The following SORCS2 variants were observed in gnomAD, a reference collection of about 807,000 sequenced individuals.
SORCS2 encodes the protein VPS10 domain-containing receptor SorCS2.
A neutral mutation model predicts 141.6 loss-of-function variants in SORCS2; 100 were observed. That is an observed-to-expected ratio of 0.71 (90% confidence interval 0.60 to 0.83). SORCS2 has a LOEUF of 0.83. SORCS2 is among the 40% of genes least tolerant of loss of function. SORCS2 has a pLI of 0.00. For synonymous variants in SORCS2, 789 were observed against 676.9 expected (o/e 1.17, Z -2.57); for missense variants, 1,646 against 1,560.2 (o/e 1.05, Z -0.93).
chr4:7,602,582 C>G (rs868484059), intron 3 of SORCS2, among the ~76,000 whole-genome samples: 21 of 149,938 alleles, frequency 1.4e-4, no homozygotes, highest in Admixed American at 2.6e-4. Flanking sequence ...AGAGGCGCTC[C>G]TCACTTCCTT....
chr4:7,610,801 C>T (rs569287679), intron 3 of SORCS2, among the ~76,000 whole-genome samples: 1 of 152,170 alleles, frequency 6.6e-6, no homozygotes, highest in Non-Finnish European at 1.5e-5. Context: ...TTGGTAAAGT[C>T]CCGGGAGCCA....
intron 1 of SORCS2, among the ~76,000 whole-genome samples, chr4:7,251,791 T>C (rs1364491272): frequency 6.6e-6 from 1 of 152,130 alleles, no homozygotes; most frequent in African/African-American, 2.4e-5. Context: ...TTATGTCTTG[T>C]TGGTCGCAGC....
At chr4:7,589,431 C>T (rs2087468751) in intron 3 of SORCS2, among the ~76,000 whole-genome samples, 2 of 151,966 alleles carry the variant, frequency 1.3e-5, no homozygotes. Context: ...GAGACAGAGT[C>T]TCGCTCTGTG....
At chr4:7,497,331 G>A (rs1372958026) in intron 2 of SORCS2, among the ~76,000 whole-genome samples, 5 of 152,256 alleles carry the variant, frequency 3.3e-5, no homozygotes, top group African/African-American at 1.2e-4. Context: ...GGTTGGTGCT[G>A]TTGCCAGAGG....
chr4:7,281,061 C>T lies in SORCS2; in HGVS notation c.480+87935C>T, dbSNP rs546542190. On this transcript the variant is annotated intron_variant, in intron 1 of 26. Transcript: ENST00000507866. The stretch of plus-strand genomic sequence containing the variant: ...TGCGAGTCGCGTGTCTGAACGTGCC[C>T]TGCCCACGGTATCTCTACATTTTTG... 3.9e-5 allele frequency among the ~76,000 whole-genome samples: 6 copies of T among 152,310 alleles called. No individual in the cohort carries two copies. The East Asian group carries it at 1.2e-3, about 29-fold the overall frequency.
At chr4:7,484,457 G>A (rs945004677) in intron 2 of SORCS2, among the ~76,000 whole-genome samples, 11 of 152,164 alleles carry the variant, frequency 7.2e-5, no homozygotes, top group Admixed American at 2.0e-4. Flanking sequence ...TGGTGTTGCC[G>A]TGGGAAGGAA....
chr4:7,550,654 G>A (rs1713629230), intron 3 of SORCS2, among the ~76,000 whole-genome samples: 1 of 152,204 alleles, frequency 6.6e-6, no homozygotes, highest in African/African-American at 2.4e-5. Flanking sequence ...TGCCCACCCT[G>A]TGTCTCTAGT....
chr4:7,726,641 G>A (rs1045287351), intron 20 of SORCS2, 139 bp from the exon 21 acceptor site: 8 of 1,112,332 alleles, frequency 7.2e-6, no homozygotes, highest in Admixed American at 2.5e-5. Context: ...TGCCACCACA[G>A]GATGTCCATA....
chr4:7,250,360 G>A (rs994461074), intron 1 of SORCS2, among the ~76,000 whole-genome samples: 4 of 152,160 alleles, frequency 2.6e-5, no homozygotes, highest in Non-Finnish European at 5.9e-5. Flanking sequence ...TGCTCTATGC[G>A]TCATTTAAAA....
chr4:7,288,017 C>T (rs149982472), intron 1 of SORCS2, among the ~76,000 whole-genome samples: 6 of 152,328 alleles, frequency 3.9e-5, no homozygotes, highest in South Asian at 2.1e-4. Context: ...TTGCTGTCCC[C>T]GCCGTCGATG....
rs536002290 is a variant in SORCS2, at chr4:7,331,169, G to T, written c.481-65119G>T. Among the ~76,000 whole-genome samples the T allele has an allele frequency of 1.2e-3, 183 of 152,260 alleles. 3 individuals carry two copies. Among genetic ancestry groups the T allele is most frequent in the Non-Finnish European group, 3.5e-4 (24 of 68,010 alleles). On this transcript the variant is annotated intron_variant, in intron 1 of 26. Coordinates refer to ENST00000507866, the MANE Select transcript of SORCS2 (RefSeq NM_020777.3). ...TGAGGAGGAGGCTGTGTCACATGGT[G>T]GGGGGGCTTCACCCCCATAGAGGAG...
rs543153092 is a variant in SORCS2, at chr4:7,341,092, G to A, written c.481-55196G>A. On this transcript the variant is annotated intron_variant, in intron 1 of 26. Coordinates refer to ENST00000507866, the MANE Select transcript of SORCS2 (RefSeq NM_020777.3). ...AAAGGAAAATACAGATGTGCATGGT[G>A]GGGAGGATGGTCTTGTTGACTGCAG... 1.3e-3 allele frequency among the ~76,000 whole-genome samples: 192 copies of A among 152,362 alleles called. 2 individuals are homozygous for A. The highest frequency in any genetic ancestry group is 2.5e-3 in the Non-Finnish European group (172 of 68,034).
intron 1 of SORCS2, among the ~76,000 whole-genome samples, chr4:7,282,614 C>G (rs567074450): frequency 6.6e-6 from 1 of 152,148 alleles, no homozygotes; most frequent in Non-Finnish European, 1.5e-5. Flanking sequence ...GGGTGGGAGC[C>G]GGTGGGAAAG....
At chr4:7,366,522 C>A (rs539896145) in intron 1 of SORCS2, among the ~76,000 whole-genome samples, 1 of 139,022 alleles carries the variant, frequency 7.2e-6, no homozygotes, top group South Asian at 2.5e-4. Flanking sequence ...CTCCTCCCTC[C>A]CTTCCCTTCC....
At chr4:7,399,941 A>T (rs6847931) in intron 2 of SORCS2, among the ~76,000 whole-genome samples, 22,334 of 152,016 alleles carry the variant, frequency 0.15, 1,787 homozygotes, top group Non-Finnish European at 0.18. Flanking sequence ...CCTGCAAGGG[A>T]CACATGGTCA....
At chr4:7,495,080 A>G (rs1731530746) in intron 2 of SORCS2, among the ~76,000 whole-genome samples, 1 of 152,208 alleles carries the variant, frequency 6.6e-6, no homozygotes, top group African/African-American at 2.4e-5. Flanking sequence ...GTCGAAATGG[A>G]TTGTTCTCCT....
intron 2 of SORCS2, among the ~76,000 whole-genome samples, chr4:7,423,177 G>T (rs1386234552): frequency 6.6e-6 from 1 of 152,160 alleles, no homozygotes; most frequent in Non-Finnish European, 1.5e-5. Context: ...CTCTGACTCC[G>T]TGCTGTTTTC....
intron 1 of SORCS2, among the ~76,000 whole-genome samples, chr4:7,271,459 C>T (rs1007829413): frequency 6.6e-6 from 1 of 152,184 alleles, no homozygotes; most frequent in South Asian, 2.1e-4. Flanking sequence ...CCTGGAATAC[C>T]CTTCCCCACT....
At chr4:7,463,770 G>A (rs1008828093) in intron 2 of SORCS2, among the ~76,000 whole-genome samples, 1 of 152,146 alleles carries the variant, frequency 6.6e-6, no homozygotes, top group Non-Finnish European at 1.5e-5. Context: ...GCATACTAAC[G>A]GCCCTGATTA....
Sources: gnomAD v4.1 joint callset for allele counts (sites outside exome capture counted in the v4.1 genomes callset) on GRCh38, gnomAD v4.1.1 for gene constraint, MANE v1.5 for transcripts, NCBI Gene and HGNC (gene_info 2026-07-23, HGNC 2026-07-21) for gene names.